LRRC7: variants seen among roughly 807,000 people sequenced by gnomAD.
LRRC7 encodes leucine-rich repeat-containing protein 7.
Under a neutral mutation model 175.7 loss-of-function variants are expected in LRRC7, and 23 were observed. That is an observed-to-expected ratio of 0.13 (90% confidence interval 0.09 to 0.19). LRRC7 has a LOEUF of 0.19. Among genes scored for constraint, LRRC7 ranks in the 10% least tolerant of loss-of-function variants. The pLI is 1.00. For synonymous variants in LRRC7, 685 were observed against 680.9 expected, an observed-to-expected ratio of 1.01 and a Z score of -0.09; for missense variants, 1,354 against 1,904.7, an observed-to-expected ratio of 0.71 and a Z score of 5.38.
At chr1:69,740,689 C>G (rs1410960338) in intron 2 of LRRC7, among the ~76,000 whole-genome samples, 1 of 152,058 alleles carries the variant, frequency 6.6e-6, no homozygotes, top group Non-Finnish European at 1.5e-5. Flanking sequence ...TTGGCCAAAA[C>G]TCAGCGATTG....
intron 2 of LRRC7, among the ~76,000 whole-genome samples, chr1:69,710,493 T>A (rs1664630409): frequency 6.6e-6 from 1 of 152,102 alleles, no homozygotes; most frequent in South Asian, 2.1e-4. Context: ...TGTTTAAAGG[T>A]AACAATGAAA....
chr1:70,116,277 G>A (rs771571155), intron 26 of LRRC7, among the ~76,000 whole-genome samples: 24 of 152,150 alleles, frequency 1.6e-4, no homozygotes, highest in Non-Finnish European at 5.9e-5. Flanking sequence ...GCTGGGCGCG[G>A]TGGCTCACGC....
chr1:69,694,448 A>T (rs1464041360), intron 2 of LRRC7, among the ~76,000 whole-genome samples: 1 of 152,142 alleles, frequency 6.6e-6, no homozygotes, highest in South Asian at 2.1e-4. Flanking sequence ...TTGGAGATTC[A>T]TTCCAGACAT....
chr1:69,820,549 C>G (rs566431561), intron 4 of LRRC7, among the ~76,000 whole-genome samples: 2 of 152,172 alleles, frequency 1.3e-5, no homozygotes, highest in African/African-American at 4.8e-5. Flanking sequence ...GTGTGATGTT[C>G]CCCTCCCTGT....
chr1:70,093,790 C>T (rs1664198878), intron 25 of LRRC7, among the ~76,000 whole-genome samples: 1 of 152,078 alleles, frequency 6.6e-6, no homozygotes, highest in South Asian at 2.1e-4. Flanking sequence ...GAGCAAGCCA[C>T]AATATTCTTT....
intron 4 of LRRC7, among the ~76,000 whole-genome samples, chr1:69,819,518 G>C (rs866635936): frequency 6.6e-6 from 1 of 150,896 alleles, no homozygotes; most frequent in Non-Finnish European, 1.5e-5. Context: ...ATGTGTGCTT[G>C]AGATTAATGT....
intron 3 of LRRC7, among the ~76,000 whole-genome samples, chr1:69,765,518 GA>G (rs960093952): frequency 1.1e-4 from 16 of 151,930 alleles, no homozygotes; most frequent in Non-Finnish European, 2.1e-4. Context: ...TTTAGCAATG[GA>G]AAAAAATCAC....
chr1:69,802,957 T>C (rs892644361), intron 4 of LRRC7, among the ~76,000 whole-genome samples: 8 of 151,444 alleles, frequency 5.3e-5, no homozygotes, highest in Non-Finnish European at 8.9e-5. Context: ...TTTATTTCTA[T>C]GCTCTATATG....
At chr1:69,781,519 C>T (rs917445460) in intron 3 of LRRC7, among the ~76,000 whole-genome samples, 4 of 150,424 alleles carry the variant, frequency 2.7e-5, no homozygotes, top group South Asian at 2.1e-4. Flanking sequence ...CCGTCTGTAC[C>T]AAAAATATAA....
At chr1:69,861,049 G>A (rs1420272633) in intron 7 of LRRC7, among the ~76,000 whole-genome samples, 3 of 150,622 alleles carry the variant, frequency 2.0e-5, no homozygotes, top group African/African-American at 7.3e-5. Context: ...AGAAAGAGGA[G>A]GAAAACACTC....
intron 7 of LRRC7, among the ~76,000 whole-genome samples, chr1:69,853,647 T>C (rs952823572): frequency 1.3e-5 from 2 of 152,134 alleles, no homozygotes; most frequent in Non-Finnish European, 2.9e-5. Flanking sequence ...TTTTAGACTG[T>C]TGCAGAAAGA....
At chr1:69,952,457 C>G (rs146125660) in intron 8 of LRRC7, among the ~76,000 whole-genome samples, 1 of 151,868 alleles carries the variant, frequency 6.6e-6, no homozygotes, top group African/African-American at 2.4e-5. Context: ...AAAGCCAGAT[C>G]GTTAACTCTG....
intron 4 of LRRC7, among the ~76,000 whole-genome samples, chr1:69,821,126 T>A (rs1283481455): frequency 6.6e-6 from 1 of 152,226 alleles, no homozygotes; most frequent in East Asian, 1.9e-4. Context: ...TGATGAGCAT[T>A]TTTTCATAAG....
intron 1 of LRRC7, among the ~76,000 whole-genome samples, chr1:69,625,177 A>C (rs1306287939): frequency 1.3e-5 from 2 of 151,806 alleles, no homozygotes; most frequent in Non-Finnish European, 2.9e-5. Context: ...TAATAGTTAA[A>C]AGGAGTATTT....
intron 2 of LRRC7, among the ~76,000 whole-genome samples, chr1:69,731,611 C>T (rs1391813430): frequency 6.6e-6 from 1 of 152,204 alleles, no homozygotes; most frequent in Non-Finnish European, 1.5e-5. Context: ...TAGACATCCT[C>T]TTCAAAGGTA....
chr1:69,869,410 T>TA (rs1034566755), intron 7 of LRRC7, among the ~76,000 whole-genome samples: 11 of 151,204 alleles, frequency 7.3e-5, no homozygotes, highest in African/African-American at 9.7e-5. Flanking sequence ...CAATGAAGGT[T>TA]AAAAAAAAAT....
chr1:69,607,615 G>C (rs191932708), intron 1 of LRRC7: 52 of 152,154 alleles, frequency 3.4e-4, no homozygotes, highest in African/African-American at 1.0e-3. Flanking sequence ...CAGCCTTGAT[G>C]ATGGGTTAAT....
At chr1:69,648,083 T>A (rs934262351) in intron 1 of LRRC7, among the ~76,000 whole-genome samples, 1 of 152,158 alleles carries the variant, frequency 6.6e-6, no homozygotes, top group Non-Finnish European at 1.5e-5. Context: ...TCAATTTTAA[T>A]GATTCAACCA....
intron 7 of LRRC7, among the ~76,000 whole-genome samples, chr1:69,879,228 A>AAAC (rs1686344828): frequency 7.1e-6 from 1 of 141,350 alleles, no homozygotes; most frequent in Non-Finnish European, 1.6e-5. Flanking sequence ...AAAAAAAAAA[A>AAAC]AAAAAAAAGA....
Sources: allele counts gnomAD v4.1 joint callset (sites outside exome capture counted in the v4.1 genomes callset), GRCh38; gene constraint gnomAD v4.1.1; transcripts MANE v1.5; gene names NCBI Gene and HGNC (gene_info 2026-07-23, HGNC 2026-07-21).